MCF2L: variants seen among roughly 807,000 people sequenced by gnomAD.
The protein encoded by MCF2L is guanine nucleotide exchange factor DBS.
In MCF2L, 97 loss-of-function variants were observed where a neutral mutation model predicts 153.4. The observed-to-expected ratio is 0.63, with a 90% CI of 0.54 to 0.75. MCF2L has a LOEUF of 0.75. Ranked by LOEUF, MCF2L falls within the 30% of genes least tolerant of loss-of-function variation. MCF2L has a pLI of 0.00. For missense variants in MCF2L, 1,347 were observed against 1,495.2 expected (o/e 0.90, Z 1.64); for synonymous variants, 659 against 632.2 (o/e 1.04, Z -0.64).
intron 1 of MCF2L, among the ~76,000 whole-genome samples, chr13:112,973,696 G>T (rs1416004316): frequency 6.6e-6 from 1 of 152,220 alleles, no homozygotes; most frequent in African/African-American, 2.4e-5. Context: ...GCTCCCGGGG[G>T]TTTCAGTTCC....
chr13:113,078,116 C>A (rs1408504806), intron 13 of MCF2L, among the ~76,000 whole-genome samples: 1 of 151,904 alleles, frequency 6.6e-6, no homozygotes, highest in Non-Finnish European at 1.5e-5. Context: ...AGGCCAAGTC[C>A]TGCCCACGCC....
chr13:113,014,547 T>C (rs1056706594), intron 1 of MCF2L, among the ~76,000 whole-genome samples: 5 of 152,174 alleles, frequency 3.3e-5, no homozygotes, highest in Non-Finnish European at 1.5e-5. Context: ...TATATCACAC[T>C]TTCAAAATTG....
At chr13:112,965,420 G>A (rs970819362), upstream of MCF2L, 2 of 152,236 alleles carry the variant, frequency 1.3e-5, no homozygotes, top group South Asian at 2.1e-4. Context: ...AGCCAGCCCT[G>A]GTTGTCCGGA....
chr13:113,064,408 G>C lies in MCF2L; in HGVS notation c.594G>C (p.Leu198=). Residue 198 remains leucine, a synonymous_variant, in exon 6 of 30, where the codon CTG becomes CTC. Coordinates refer to ENST00000535094, the MANE Select transcript of MCF2L (RefSeq NM_001112732.3). This position sits in a 1 kb window ranked among gnomAD's most constrained non-coding sequence, Gnocchi z 6.0. The part of the protein sequence containing the change: ...GTLDYCHSRW[L]CQRTAIESFA... ...TGGACTACTGCCACTCCCGGTGGCTGTGCCAGCGCACGGTGAGCCGCGTCG... is the reference window on the plus strand; with the variant it reads ...TGGACTACTGCCACTCCCGGTGGCTCTGCCAGCGCACGGTGAGCCGCGTCG... 1 of 1,611,638 alleles carries C rather than the reference G, an allele frequency of 6.2e-7. No individual in the cohort carries two copies. Among genetic ancestry groups the C allele is most frequent in the Non-Finnish European group, 8.5e-7 (1 of 1,179,240 alleles).
At chr13:113,078,806 C>T in intron 15 of MCF2L, 67 bp downstream of exon 15, 1 of 1,393,196 alleles carries the variant, frequency 7.2e-7, no homozygotes, top group Non-Finnish European at 9.8e-7. Flanking sequence ...CAGATGCCGT[C>T]AGGCACTCGA....
intron 26 of MCF2L, chr13:113,094,303 TG>T: frequency 2.9e-6 from 1 of 350,614 alleles, no homozygotes; most frequent in Non-Finnish European, 5.0e-6. Flanking sequence ...TGGAAGCAGA[TG>T]GTCTCAAACC....
chr13:112,953,663 A>G (rs1283758187), intron 2 of MCF2L, among the ~76,000 whole-genome samples: 2 of 152,164 alleles, frequency 1.3e-5, no homozygotes, highest in African/African-American at 4.8e-5. Context: ...AGCTCAGTCT[A>G]TGTTTTGTCT....
rs1019117442 is a variant in MCF2L, at chr13:112,953,910, C to T, written c.169+51539C>T. 1.2e-4 allele frequency among the ~76,000 whole-genome samples: 18 copies of T among 152,228 alleles called. 1 individual carries two copies. The highest frequency in any genetic ancestry group is 1.5e-5 in the Non-Finnish European group (1 of 68,040). ...GCACTCGCTGCCTCACCTCTCCTCC[C>T]CCTGCATGTTTCCAGGTCGCATATG... On this transcript the variant is annotated intron_variant, in intron 2 of 29. Coordinates refer to the MCF2L transcript ENST00000375608.
At chr13:112,981,020 G>A (rs1167418913) in intron 1 of MCF2L, among the ~76,000 whole-genome samples, 1 of 150,814 alleles carries the variant, frequency 6.6e-6, no homozygotes, top group Admixed American at 6.6e-5. Context: ...GTGCACTGGG[G>A]ACTCTGACAC....
At chr13:112,961,119 C>T (rs573092760) in intron 2 of MCF2L, among the ~76,000 whole-genome samples, 1 of 126,896 alleles carries the variant, frequency 7.9e-6, no homozygotes, top group African/African-American at 3.0e-5. Context: ...TATGCCTCCA[C>T]GTTGCACCTG....
intron 5 of MCF2L, among the ~76,000 whole-genome samples, chr13:113,063,454 TCCACACAGCCGCCCACAGCG>T: frequency 6.7e-6 from 1 of 149,538 alleles, no homozygotes; most frequent in Non-Finnish European, 1.5e-5. Flanking sequence ...GGCGTCCCTG[TCCACACAGCCGCCCACAGCG>T]TTCAGGCGTC....
At chr13:113,016,379 G>A (rs1187775788) in intron 2 of MCF2L, among the ~76,000 whole-genome samples, 1 of 152,158 alleles carries the variant, frequency 6.6e-6, no homozygotes, top group African/African-American at 2.4e-5. Context: ...CCAGGAACCC[G>A]GGGCCTCAAC....
intron 20 of MCF2L, 54 bp downstream of exon 20, chr13:113,085,232 T>C: frequency 6.5e-7 from 1 of 1,548,834 alleles, no homozygotes; most frequent in Non-Finnish European, 8.9e-7. Flanking sequence ...TGGCCAGGTG[T>C]CTGTGCCGCC....
rs543987480 is a variant in MCF2L at position 113,062,185 on chromosome 13, C to T, written c.489+1473C>T. Among the ~76,000 whole-genome samples, 11 of 152,082 alleles carry T rather than the reference C, an allele frequency of 7.2e-5. No individual in the cohort carries two copies. In the South Asian group the frequency reaches 1.0e-3, roughly 14 times the overall value. ...CAGTCCATTCCCTAGAGACGACCAG[C>T]GACAAAACCGTGCAGAGCAGGGACT... On this transcript the variant is annotated intron_variant, in intron 5 of 29. Transcript: ENST00000535094.
intron 1 of MCF2L, chr13:112,902,117 A>C: frequency 9.2e-7 from 1 of 1,082,758 alleles, no homozygotes; most frequent in Non-Finnish European, 1.4e-6. Context: ...GTAACTAGTT[A>C]TTTCGGTTTT....
chr13:113,030,743 G>A (rs534059195), intron 3 of MCF2L, among the ~76,000 whole-genome samples: 1 of 152,338 alleles, frequency 6.6e-6, no homozygotes, highest in South Asian at 2.1e-4. Flanking sequence ...CATCGGCCAG[G>A]CCTTGATAGG....
chr13:112,934,429 G>C (rs542033230), intron 2 of MCF2L, among the ~76,000 whole-genome samples: 1 of 152,352 alleles, frequency 6.6e-6, no homozygotes, highest in East Asian at 1.9e-4. Flanking sequence ...CTAGAACAGT[G>C]CCTTAAACTG....
At position 113,078,725 on chromosome 13, in the gene MCF2L, G is replaced by A; in HGVS notation, c.1794G>A (p.Leu598=). ...CAGCGGGGGAGGAGGAGGAAAGCCT[G>A]GCCATCCTGCGCAGGTGGGTGCGCT... ...RGSAGEEEES[L]AILRRHVMSE... Residue 598 remains leucine, a synonymous_variant, in exon 15 of 30, where the codon CTG becomes CTA. Transcript: ENST00000535094. 3 of 1,604,770 alleles carry A rather than the reference G, an allele frequency of 1.9e-6. No individual in the cohort carries two copies. Among genetic ancestry groups the A allele is most frequent in the Non-Finnish European group, 2.5e-6 (3 of 1,178,524 alleles).
intron 2 of MCF2L, among the ~76,000 whole-genome samples, chr13:112,939,245 C>A (rs1229081968): frequency 6.6e-6 from 1 of 152,110 alleles, no homozygotes; most frequent in East Asian, 1.9e-4. Flanking sequence ...ATCTGAGGGC[C>A]TCCGGCAGGT....
Sources: gnomAD v4.1 joint callset for allele counts (sites outside exome capture counted in the v4.1 genomes callset) on GRCh38, gnomAD v4.1.1 for gene constraint, Gnocchi (gnomAD v3.1) non-coding constraint, MANE v1.5 for transcripts, NCBI Gene and HGNC (gene_info 2026-07-23, HGNC 2026-07-21) for gene names.